Variants in CD99L2 observed in about 807,000 individuals in gnomAD.
The protein encoded by CD99L2 is CD99 molecule like 2, also known as CD99 antigen-like protein 2.
A neutral mutation model predicts 27.3 loss-of-function variants in CD99L2; 24 were observed. That is an observed-to-expected ratio of 0.88 (90% CI 0.64 to 1.24). The LOEUF is 1.24. CD99L2 is among the 50% of genes most tolerant of loss of function. The pLI, the probability that CD99L2 is intolerant of heterozygous loss-of-function variation, is 0.00. For missense variants in CD99L2, 255 were observed against 221.6 expected, an observed-to-expected ratio of 1.15 and a Z score of -0.96; for synonymous variants, 97 against 87.9, an observed-to-expected ratio of 1.10 and a Z score of -0.58.
At chrX:150,808,846 C>T (rs2046033344) in intron 4 of CD99L2, among the ~76,000 whole-genome samples, 1 of 110,919 alleles carries the variant, frequency 9.0e-6, no homozygotes, top group African/African-American at 3.3e-5. Flanking sequence ...AAGAAGGAAG[C>T]AGCCGCGAGT....
At chrX:150,809,307 C>T (rs1448447879) in intron 4 of CD99L2, among the ~76,000 whole-genome samples, 2 of 111,439 alleles carry the variant, frequency 1.8e-5, no homozygotes, top group East Asian at 5.6e-4. Context: ...AGACAAGACC[C>T]CTAGCCCCAG....
chrX:150,811,636 A>G (rs982566548), intron 4 of CD99L2, among the ~76,000 whole-genome samples: 1 of 111,895 alleles, frequency 8.9e-6, no homozygotes, highest in Non-Finnish European at 1.9e-5. Context: ...AGTAATATAG[A>G]TGCAAAAATC....
At chrX:150,812,043 C>A (rs782140802) in intron 4 of CD99L2, among the ~76,000 whole-genome samples, 7 of 111,463 alleles carry the variant, frequency 6.3e-5, no homozygotes, top group Non-Finnish European at 1.1e-4. Flanking sequence ...CAACTATAGT[C>A]CCAGCTACTT....
At chrX:150,831,408 C>A in intron 1 of CD99L2, 115 bp from the exon 2 acceptor site, 1 of 619,735 alleles carries the variant, frequency 1.6e-6, no homozygotes, top group South Asian at 3.2e-5. Flanking sequence ...AAAGGTATTC[C>A]ATGCAAATAG....
intron 7 of CD99L2, among the ~76,000 whole-genome samples, chrX:150,792,994 C>G (rs949109954): frequency 9.1e-6 from 1 of 110,230 alleles, no homozygotes; most frequent in African/African-American, 3.3e-5. Context: ...GTTCTGCCTG[C>G]TAATTATGGT....
chrX:150,814,708 C>A (rs1351825482), intron 4 of CD99L2, among the ~76,000 whole-genome samples, 154 bp downstream of exon 4: 1 of 111,854 alleles, frequency 8.9e-6, no homozygotes, highest in Non-Finnish European at 1.9e-5. Flanking sequence ...AGTCCTGAGA[C>A]AAAAAAGGTT....
chrX:150,858,624 G>A (rs2046928789), intron 1 of CD99L2, among the ~76,000 whole-genome samples: 1 of 111,969 alleles, frequency 8.9e-6, no homozygotes, highest in South Asian at 3.6e-4. Context: ...AAGAAGTTAA[G>A]AGAGAAATCA....
At chrX:150,869,630 C>G (rs1268716342) in intron 1 of CD99L2, among the ~76,000 whole-genome samples, 1 of 112,110 alleles carries the variant, frequency 8.9e-6, no homozygotes, top group African/African-American at 3.2e-5. Context: ...CAGTCCACAG[C>G]TAGCCAGTCA....
intron 1 of CD99L2, among the ~76,000 whole-genome samples, chrX:150,866,493 G>A (rs1377626265): frequency 9.0e-6 from 1 of 111,339 alleles, no homozygotes; most frequent in Non-Finnish European, 1.9e-5. Flanking sequence ...AATACTTTGG[G>A]AGGCCAAGGC....
intron 4 of CD99L2, among the ~76,000 whole-genome samples, chrX:150,804,394 AT>A (rs1175950303): frequency 8.9e-6 from 1 of 112,460 alleles, no homozygotes; most frequent in African/African-American, 3.2e-5. Context: ...AACTTATGAG[AT>A]GCAGCAAAAG....
At chrX:150,779,907 T>G (rs1439238509) in intron 7 of CD99L2, among the ~76,000 whole-genome samples, 3 of 112,160 alleles carry the variant, frequency 2.7e-5, no homozygotes, top group Non-Finnish European at 5.6e-5. Context: ...AAAGAAAAAC[T>G]AAATTGGGCT....
intron 1 of CD99L2, among the ~76,000 whole-genome samples, chrX:150,890,151 A>T (rs943513356): frequency 1.0e-5 from 1 of 98,847 alleles, no homozygotes; most frequent in Non-Finnish European, 2.0e-5. Flanking sequence ...ACTCCGTCTC[A>T]AAATAAATAA....
At chrX:150,846,775 A>G (rs187083020) in intron 1 of CD99L2, among the ~76,000 whole-genome samples, 167 of 111,992 alleles carry the variant, frequency 1.5e-3, no homozygotes, top group African/African-American at 5.2e-3. Context: ...CTGATACGAC[A>G]TAAGTTTGGG....
intron 9 of CD99L2, 60 bp from the exon 10 acceptor site, chrX:150,770,429 G>T (rs139970938): frequency 0.028 from 30,236 of 1,063,766 alleles, 457 homozygotes; most frequent in African/African-American, 0.1. Flanking sequence ...CCCCAATCGT[G>T]ACTGAGAACT....
chrX:150,872,661 T>TAA (rs149785048), intron 1 of CD99L2, among the ~76,000 whole-genome samples: 1 of 95,683 alleles, frequency 1.0e-5, no homozygotes, highest in Non-Finnish European at 2.1e-5. Flanking sequence ...AAGGAGCAGT[T>TAA]AAAAAAAAAA....
At chrX:150,824,908 C>T (rs191791918) in intron 2 of CD99L2, among the ~76,000 whole-genome samples, 21 of 112,093 alleles carry the variant, frequency 1.9e-4, no homozygotes, top group African/African-American at 6.8e-4. Context: ...TTGCACACTA[C>T]TCCTTAGGAA....
Position 150,858,692 on chromosome X carries a change from A to G in CD99L2, c.68-27399T>C, listed in dbSNP as rs183795321. Among the ~76,000 whole-genome samples, 4 of 112,251 alleles carry G rather than the reference A, an allele frequency of 3.6e-5. No homozygotes were observed. In the East Asian group the frequency reaches 1.1e-3, roughly 31 times the overall value. On this transcript the variant is annotated intron_variant, in intron 1 of 10. Coordinates refer to ENST00000370377, the MANE Select transcript of CD99L2 (RefSeq NM_031462.4). ...CAACATACCAAAACCTGTGGAATAC[A>G]GCAAAAGCAGTATTAAAAGGGACAT... is the stretch of plus-strand genomic sequence containing the variant.
At chrX:150,890,436 G>A (rs782796772) in intron 1 of CD99L2, among the ~76,000 whole-genome samples, 40 of 111,430 alleles carry the variant, frequency 3.6e-4, no homozygotes, top group African/African-American at 1.3e-3. Flanking sequence ...TCGAGATTGC[G>A]CCATTGCACT....
intron 7 of CD99L2, among the ~76,000 whole-genome samples, chrX:150,777,836 G>A (rs1276053639): frequency 1.8e-5 from 2 of 112,045 alleles, no homozygotes; most frequent in Non-Finnish European, 3.8e-5. Flanking sequence ...GGGTGGGGTG[G>A]GGTGCTGTGC....
Sources: gnomAD v4.1 joint callset for allele counts (sites outside exome capture counted in the v4.1 genomes callset) on GRCh38, gnomAD v4.1.1 for gene constraint, MANE v1.5 for transcripts, NCBI Gene and HGNC (gene_info 2026-07-23, HGNC 2026-07-21) for gene names.